NELL1: variants seen among roughly 807,000 people sequenced by gnomAD.
NELL1 encodes neural EGFL like 1.
NELL1 carries 76 observed loss-of-function variants against 107.4 expected under a neutral mutation model. That is an observed-to-expected ratio of 0.71 (90% CI 0.59 to 0.86). The LOEUF (loss-of-function observed/expected upper bound fraction) is 0.86. Ranked by LOEUF, NELL1 falls within the 40% of genes least tolerant of loss-of-function variation. NELL1 has a pLI of 0.00. For missense variants in NELL1, 1,024 were observed against 1,005.5 expected (o/e 1.02, Z -0.25); for synonymous variants, 353 against 341.2 (o/e 1.03, Z -0.38).
At chr11:21,468,270 T>G (rs1229207360) in intron 15 of NELL1, among the ~76,000 whole-genome samples, 1 of 152,082 alleles carries the variant, frequency 6.6e-6, no homozygotes, top group Non-Finnish European at 1.5e-5. Context: ...GAAAGGATGC[T>G]TTGTTACCCA....
chr11:21,155,050 A>G (rs1030031381), intron 13 of NELL1, among the ~76,000 whole-genome samples: 1 of 152,182 alleles, frequency 6.6e-6, no homozygotes, highest in Non-Finnish European at 1.5e-5. Context: ...AGTGGTCTGA[A>G]GACAGTGAAG....
intron 12 of NELL1, among the ~76,000 whole-genome samples, chr11:20,977,016 A>G (rs945446138): frequency 6.6e-6 from 1 of 151,842 alleles, no homozygotes; most frequent in Admixed American, 6.6e-5. Flanking sequence ...CTCTTTGGGT[A>G]AAGTTTGGGT....
At chr11:20,777,660 C>CT (rs1295141513) in intron 2 of NELL1, among the ~76,000 whole-genome samples, 1 of 152,160 alleles carries the variant, frequency 6.6e-6, no homozygotes, top group African/African-American at 2.4e-5. Context: ...GTTGCTTTAC[C>CT]TTTTGGGGCC....
At chr11:20,772,091 C>G (rs1044893352) in intron 2 of NELL1, among the ~76,000 whole-genome samples, 6 of 152,104 alleles carry the variant, frequency 3.9e-5, no homozygotes, top group Admixed American at 3.9e-4. Context: ...AAGGTCAGGG[C>G]CAATACAGCA....
chr11:20,913,524 C>T (rs916335435), intron 5 of NELL1, among the ~76,000 whole-genome samples: 3 of 151,912 alleles, frequency 2.0e-5, no homozygotes, highest in Admixed American at 1.3e-4. Context: ...AAATGAGAAA[C>T]GTTCTAGGAA....
At position 21,231,746 on chromosome 11, in the gene NELL1, G is replaced by A. The variant is rs138062890; in HGVS notation, c.1549+2292G>A. ...AGTTTAAATAATGTTCCTGATGTCC[G>A]CAGACTGTGAGGGGAAACATATCTT... On this transcript the variant is annotated intron_variant, in intron 14 of 19. Coordinates refer to ENST00000357134, the MANE Select transcript of NELL1 (RefSeq NM_006157.5). 6.0e-3 allele frequency among the ~76,000 whole-genome samples: 906 copies of A among 152,206 alleles called. 6 individuals are homozygous for A. The highest frequency in any genetic ancestry group is 0.014 in the Admixed American group (216 of 15,288).
chr11:21,053,907 A>G (rs892446080), intron 12 of NELL1, among the ~76,000 whole-genome samples: 4 of 152,202 alleles, frequency 2.6e-5, no homozygotes, highest in African/African-American at 9.6e-5. Context: ...TTCTGCTTAT[A>G]TGAAATCTAA....
At chr11:21,523,606 G>A (rs191850881) in intron 15 of NELL1, among the ~76,000 whole-genome samples, 1 of 152,026 alleles carries the variant, frequency 6.6e-6, no homozygotes, top group Admixed American at 6.6e-5. Context: ...GGTATTCTCT[G>A]CAGAACTTCA....
At chr11:21,505,841 G>T (rs1307591509) in intron 15 of NELL1, among the ~76,000 whole-genome samples, 2 of 152,132 alleles carry the variant, frequency 1.3e-5, no homozygotes, top group African/African-American at 4.8e-5. Context: ...AGTCTCAGTT[G>T]TAGGCCCATG....
At chr11:21,287,271 A>G (rs1849145376) in intron 14 of NELL1, among the ~76,000 whole-genome samples, 1 of 151,798 alleles carries the variant, frequency 6.6e-6, no homozygotes, top group Non-Finnish European at 1.5e-5. Flanking sequence ...AGCTTTTCTT[A>G]TCATTGGTAA....
At chr11:21,565,428 G>A (rs1856947512) in intron 17 of NELL1, among the ~76,000 whole-genome samples, 1 of 151,770 alleles carries the variant, frequency 6.6e-6, no homozygotes, top group South Asian at 2.1e-4. Flanking sequence ...TTGAAGCTTT[G>A]CACCAGAATC....
intron 3 of NELL1, among the ~76,000 whole-genome samples, chr11:20,803,162 T>C (rs958686871): frequency 2.2e-4 from 34 of 152,212 alleles, no homozygotes; most frequent in African/African-American, 8.2e-4. Flanking sequence ...TTAAAATGTT[T>C]GGCAAAATTC....
chr11:20,902,064 A>G (rs1292280529), intron 5 of NELL1, among the ~76,000 whole-genome samples: 1 of 152,128 alleles, frequency 6.6e-6, no homozygotes, highest in Non-Finnish European at 1.5e-5. Context: ...TGAAAGGTTT[A>G]GAAGACAACA....
intron 1 of NELL1, among the ~76,000 whole-genome samples, chr11:20,673,573 AG>A (rs1461052240): frequency 6.6e-6 from 1 of 152,204 alleles, no homozygotes; most frequent in Non-Finnish European, 1.5e-5. Flanking sequence ...GGTGGGGGTG[AG>A]GAGCAGCCAA....
intron 16 of NELL1, among the ~76,000 whole-genome samples, chr11:21,548,503 G>A (rs532300173): frequency 6.6e-6 from 1 of 151,890 alleles, no homozygotes; most frequent in African/African-American, 2.4e-5. Context: ...GAGAATGAGA[G>A]AGAAGTGAAA....
chr11:21,448,856 T>A (rs540050326), intron 15 of NELL1, among the ~76,000 whole-genome samples: 9 of 152,322 alleles, frequency 5.9e-5, no homozygotes, highest in African/African-American at 2.2e-4. Context: ...TTAGAATAAT[T>A]ATTCTAGATT....
intron 15 of NELL1, among the ~76,000 whole-genome samples, chr11:21,388,417 A>G (rs779569170): frequency 1.3e-5 from 2 of 151,890 alleles, no homozygotes; most frequent in Non-Finnish European, 2.9e-5. Flanking sequence ...GTCATAGGGT[A>G]CAAACTGTTA....
Position 21,370,879 on chromosome 11 carries a change from G to A in NELL1, c.1576G>A (p.Gly526Ser), listed in dbSNP as rs8176788. 8.1e-4 allele frequency: 1,312 copies of A among 1,611,744 alleles called. 3 individuals carry two copies. Among genetic ancestry groups the A allele is most frequent in the South Asian group, 1.9e-3 (172 of 90,786 alleles). ...TTTCTGTGAAGAGGGCTGCAGATAC[G>A]GTGGAACGTGTGTGGCTCCCAACAA... is the stretch of plus-strand genomic sequence containing the variant. ...RAFCEEGCRY[G>S]GTCVAPNKCV... The change falls in exon 15 of 20, where the codon GGT becomes AGT. Residue 526 changes from glycine (G) to serine (S), a missense_variant. Physicochemically the swap from Gly to Ser is moderately conservative, Grantham distance 56. Transcript: ENST00000357134.
At chr11:21,300,138 A>T (rs755958845) in intron 14 of NELL1, among the ~76,000 whole-genome samples, 47 of 152,044 alleles carry the variant, frequency 3.1e-4, no homozygotes, top group Non-Finnish European at 6.8e-4. Flanking sequence ...TGGTAAGAGG[A>T]CTGAGGGCAT....
Sources: allele counts gnomAD v4.1 joint callset (sites outside exome capture counted in the v4.1 genomes callset), GRCh38; gene constraint gnomAD v4.1.1; transcripts MANE v1.5; gene names NCBI Gene and HGNC (gene_info 2026-07-23, HGNC 2026-07-21).